Variants in MTIF2 observed in about 807,000 individuals in gnomAD.
MTIF2 encodes the protein mitochondrial translational initiation factor 2.
In MTIF2, 71 loss-of-function variants were observed where a neutral mutation model predicts 83.5. That is an observed-to-expected ratio of 0.85 (90% CI 0.70 to 1.04). The LOEUF is 1.04. MTIF2 is among the 50% of genes least tolerant of loss of function. The probability of loss-of-function intolerance (pLI) is 0.00; values close to 1 mark genes in which losing one functional copy is unlikely to be tolerated. For synonymous variants in MTIF2, 319 were observed against 287.1 expected, an observed-to-expected ratio of 1.11 and a Z score of -1.12; for missense variants, 957 against 846.5, an observed-to-expected ratio of 1.13 and a Z score of -1.62.
At position 55,263,694 on chromosome 2, in the gene MTIF2, T is replaced by G. The variant is rs1678215180; in HGVS notation, c.165A>C (p.Thr55=). ...ATAAAGCAGCCCCAGTGAGCACATC[T>G]GTTGGCCAGGGCCAGGCACACAGTT... ...TAQLCAWPWP[T]DVLTGAALSQ... Residue 55 remains threonine, a synonymous_variant, in exon 4 of 16, where the codon ACA becomes ACC. Transcript: ENST00000263629. 6.2e-7 allele frequency: 1 copy of G among 1,614,086 alleles called. No individual in the cohort carries two copies. The highest frequency in any genetic ancestry group is 8.5e-7 in the Non-Finnish European group (1 of 1,180,000).
rs536322395 is a variant in MTIF2 at position 55,259,781 on chromosome 2, T to C, written c.331+2535A>G. On this transcript the variant is annotated intron_variant, in intron 5 of 15. Transcript: ENST00000263629. ...CCACATAGTGAAACTCTGTCTCTAC[T>C]AAAAATACAAATATTAGCTGGGTGT... Among the ~76,000 whole-genome samples, 29 of 152,262 alleles carry C rather than the reference T, an allele frequency of 1.9e-4. 1 individual carries two copies. In the South Asian group the frequency reaches 5.8e-3, roughly 30 times the overall value.
At position 55,239,827 on chromosome 2, in the gene MTIF2, A is replaced by G. The variant is rs72918925; in HGVS notation, c.1870+184T>C. 8.1e-3 allele frequency among the ~76,000 whole-genome samples: 1,237 copies of G among 152,288 alleles called. 16 individuals carry two copies. Among genetic ancestry groups the G allele is most frequent in the African/African-American group, 0.028 (1,173 of 41,576 alleles). On this transcript the variant is annotated intron_variant, in intron 14 of 15. Transcript: ENST00000263629. Reference sequence around the variant, plus strand: ...TTTGTATCATCAAGGCACAGGCACAATGTGTTACACAGGGCAGGTGTTTAC... The same window carrying G: ...TTTGTATCATCAAGGCACAGGCACAGTGTGTTACACAGGGCAGGTGTTTAC...
At chr2:55,263,932 A>G in intron 3 of MTIF2, 67 bp from the exon 4 acceptor site, 5 of 1,185,858 alleles carry the variant, frequency 4.2e-6, no homozygotes, top group Non-Finnish European at 6.1e-6. Context: ...TTGGATATTT[A>G]CTATATGCAT....
At chr2:55,239,035 C>T (rs1422682349) in intron 14 of MTIF2, among the ~76,000 whole-genome samples, 1 of 152,126 alleles carries the variant, frequency 6.6e-6, no homozygotes, top group Non-Finnish European at 1.5e-5. Flanking sequence ...CAATATGCTT[C>T]AAAAATGTCA....
chr2:55,242,265 C>T (rs1053795934), intron 13 of MTIF2, among the ~76,000 whole-genome samples: 9 of 152,134 alleles, frequency 5.9e-5, no homozygotes, highest in African/African-American at 1.9e-4. Context: ...TTAGATGTTA[C>T]CTCTATCCTT....
rs552138361 is a variant in MTIF2, at chr2:55,253,741, GGAGGCA to G, written c.664+294_664+299del. On this transcript the variant is annotated intron_variant, in intron 7 of 15. Transcript: ENST00000263629. ...GAGGCAGGAGAACTGCTTGAACTGG[GGAGGCA>G]GAGGTTGCAGTGAGCCAAGATTGCA... 1.8e-4 allele frequency among the ~76,000 whole-genome samples: 27 copies of G among 152,204 alleles called. 1 individual carries two copies. The East Asian group carries it at 5.0e-3, about 28-fold the overall frequency.
At chr2:55,249,294 A>C in intron 9 of MTIF2, 101 bp downstream of exon 9, 1 of 1,453,426 alleles carries the variant, frequency 6.9e-7, no homozygotes, top group Non-Finnish European at 9.2e-7. Context: ...TAAAAACAAC[A>C]CAAATTATGT....
Position 55,243,629 on chromosome 2 carries a change from G to C in MTIF2, c.1351C>G (p.Gln451Glu). 12 of 1,613,656 alleles carry C rather than the reference G, an allele frequency of 7.4e-6. No individual in the cohort carries two copies. The highest frequency in any genetic ancestry group is 1.0e-5 in the Non-Finnish European group (12 of 1,179,946). ...TCCTCCTGACCTTTCTCCTGTTCTT[G>C]TTCATATTTCCTCCAGTCAACAACT... ...REVVDWRKYE[Q>E]EQEKGQEDLK... is the part of the protein sequence containing the mutation. Residue 451 changes from glutamine (Q) to glutamate (E), a missense_variant, in exon 12 of 16, where the codon CAA (glutamine) becomes GAA (glutamate). This residue lies in a region of MTIF2 where 733 missense variants were observed against 648.7 expected (regional missense o/e 1.13). Transcript: ENST00000263629.
chr2:55,241,855 G>A (rs932820143), intron 13 of MTIF2, among the ~76,000 whole-genome samples: 1 of 151,824 alleles, frequency 6.6e-6, no homozygotes, highest in Non-Finnish European at 1.5e-5. Context: ...AGAAAAAGAA[G>A]TCATTCAATT....
At chr2:55,258,811 CAAAAAAAAA>C (rs368542489) in intron 5 of MTIF2, among the ~76,000 whole-genome samples, 1 of 67,284 alleles carries the variant, frequency 1.5e-5, no homozygotes, top group South Asian at 5.3e-4. Flanking sequence ...GCCTCTGTCT[CAAAAAAAAA>C]AAAAAAAAAA....
At chr2:55,257,718 A>G (rs571061001) in intron 5 of MTIF2, among the ~76,000 whole-genome samples, 1 of 152,312 alleles carries the variant, frequency 6.6e-6, no homozygotes, top group Non-Finnish European at 1.5e-5. Flanking sequence ...TAGATATGAC[A>G]GGCATAAATA....
chr2:55,243,231 G>T, intron 12 of MTIF2, 151 bp from the exon 13 acceptor site: 1 of 1,036,666 alleles, frequency 9.6e-7, no homozygotes, highest in Non-Finnish European at 1.4e-6. Flanking sequence ...ATATCTACTT[G>T]ACTTAATAGC....
At chr2:55,260,568 C>T (rs1437732603) in intron 5 of MTIF2, among the ~76,000 whole-genome samples, 1 of 152,170 alleles carries the variant, frequency 6.6e-6, no homozygotes, top group African/African-American at 2.4e-5. Flanking sequence ...TGATGAGTAA[C>T]AGCATGTGCT....
chr2:55,260,377 T>G (rs2920966), intron 5 of MTIF2, among the ~76,000 whole-genome samples: 132,620 of 148,908 alleles, frequency 0.89, 59,172 homozygotes, highest in Admixed American at 0.92. Context: ...TCTAGCCTGG[T>G]TAACAAGAGT....
In MTIF2 at chr2:55,236,595, T is replaced by C; in HGVS notation, c.*53A>G. 6.7e-7 allele frequency: 1 copy of C among 1,496,520 alleles called. No homozygotes were observed. Among genetic ancestry groups the C allele is most frequent in the Non-Finnish European group, 8.9e-7 (1 of 1,118,884 alleles). The allele number at this position is 1,496,520 out of a possible 1,614,324, so 92.7% of individuals were successfully genotyped here. ...ATACTTTTTGGCCAGTAGTAGTGCA[T>C]TTCTACCTTCAAACAAACAACACGT... On this transcript the variant is annotated 3_prime_UTR_variant, in exon 16 of 16. Transcript: ENST00000263629.
chr2:55,247,538 C>G (rs1008839387), intron 9 of MTIF2, among the ~76,000 whole-genome samples: 7 of 152,020 alleles, frequency 4.6e-5, no homozygotes, highest in African/African-American at 1.7e-4. Flanking sequence ...AGACACAGAG[C>G]AAGACTTCAT....
intron 5 of MTIF2, among the ~76,000 whole-genome samples, chr2:55,260,292 G>A (rs576439695): frequency 4.7e-4 from 71 of 152,006 alleles, no homozygotes; most frequent in African/African-American, 1.5e-3. Context: ...CCAGCTACTC[G>A]GGAGGCTTGA....
chr2:55,238,252 A>G (rs935703838), intron 14 of MTIF2, among the ~76,000 whole-genome samples: 3 of 152,038 alleles, frequency 2.0e-5, no homozygotes, highest in African/African-American at 7.2e-5. Flanking sequence ...CGTGGCCTCA[A>G]GCGATGCTCC....
chr2:55,261,283 T>C (rs1432197041), intron 5 of MTIF2, among the ~76,000 whole-genome samples: 2 of 152,166 alleles, frequency 1.3e-5, no homozygotes, highest in Non-Finnish European at 2.9e-5. Flanking sequence ...TACCAGTATT[T>C]CTCTGCTGGC....
Sources: allele counts gnomAD v4.1 joint callset (sites outside exome capture counted in the v4.1 genomes callset), GRCh38; gene constraint gnomAD v4.1.1; regional missense constraint gnomAD v4.1.1; transcripts MANE v1.5; gene names NCBI Gene and HGNC (gene_info 2026-07-23, HGNC 2026-07-21).